Variants in GRM7 observed in about 807,000 individuals in gnomAD.
The protein encoded by GRM7 is glutamate metabotropic receptor 7, also known as metabotropic glutamate receptor 7.
In GRM7, 35 loss-of-function variants were observed where a neutral mutation model predicts 84.5. The ratio of observed to expected loss-of-function variants is 0.41; its 90% CI spans 0.32 to 0.55. The LOEUF (loss-of-function observed/expected upper bound fraction) is 0.55, where lower values mean the gene tolerates loss of function less well. Among genes scored for constraint, GRM7 ranks in the 20% least tolerant of loss-of-function variants. The probability of loss-of-function intolerance (pLI) is 0.19; values close to 1 mark genes in which losing one functional copy is unlikely to be tolerated. For missense variants in GRM7, 1,003 were observed against 1,194.6 expected (o/e 0.84, Z 2.36); for synonymous variants, 487 against 455.1 (o/e 1.07, Z -0.89).
At chr3:6,982,719 A>G (rs1042939340) in intron 1 of GRM7, among the ~76,000 whole-genome samples, 6 of 152,184 alleles carry the variant, frequency 3.9e-5, no homozygotes, top group Non-Finnish European at 7.3e-5. Context: ...TGAGACTTCC[A>G]TCATATAAAT....
intron 9 of GRM7, among the ~76,000 whole-genome samples, chr3:7,731,691 G>T (rs1702336717): frequency 2.0e-5 from 3 of 152,146 alleles, no homozygotes; most frequent in Admixed American, 2.0e-4. Context: ...TTATTCCAGA[G>T]ATTCTAAGAC....
intron 7 of GRM7, among the ~76,000 whole-genome samples, chr3:7,572,118 C>A (rs923955697): frequency 6.6e-6 from 1 of 152,154 alleles, no homozygotes; most frequent in African/African-American, 2.4e-5. Flanking sequence ...GGTGGAGAGA[C>A]AATCAGACCA....
At chr3:7,059,842 C>T (rs1014160306) in intron 1 of GRM7, among the ~76,000 whole-genome samples, 10 of 151,802 alleles carry the variant, frequency 6.6e-5, no homozygotes, top group African/African-American at 1.4e-4. Flanking sequence ...TGGTCTTCTC[C>T]AGACACAGAA....
chr3:7,005,659 G>T (rs1048965097), intron 1 of GRM7, among the ~76,000 whole-genome samples: 1 of 152,192 alleles, frequency 6.6e-6, no homozygotes, highest in Admixed American at 6.5e-5. Flanking sequence ...GCCATTGTTA[G>T]TAAGCCTCTT....
intron 8 of GRM7, among the ~76,000 whole-genome samples, chr3:7,580,351 T>C (rs897913051): frequency 6.6e-6 from 1 of 152,160 alleles, no homozygotes; most frequent in Non-Finnish European, 1.5e-5. Context: ...TGATTAGATG[T>C]GAGGACATTG....
At chr3:7,470,543 A>C (rs1262025556) in intron 7 of GRM7, among the ~76,000 whole-genome samples, 1 of 152,178 alleles carries the variant, frequency 6.6e-6, no homozygotes, top group Admixed American at 6.5e-5. Context: ...TAATATTTAT[A>C]ATTATCAATA....
At chr3:7,728,626 C>A (rs1230294834) in intron 9 of GRM7, among the ~76,000 whole-genome samples, 1 of 152,136 alleles carries the variant, frequency 6.6e-6, no homozygotes, top group Non-Finnish European at 1.5e-5. Context: ...TGACTTACCC[C>A]AGGTTTCAGG....
chr3:7,137,057 A>G (rs896873123), intron 1 of GRM7, among the ~76,000 whole-genome samples: 2 of 152,106 alleles, frequency 1.3e-5, no homozygotes, highest in African/African-American at 2.4e-5. Context: ...TGTTTATTGG[A>G]TATAACTTAA....
At chr3:7,314,069 T>C (rs548423955) in intron 4 of GRM7, among the ~76,000 whole-genome samples, 58 of 152,154 alleles carry the variant, frequency 3.8e-4, no homozygotes, top group Non-Finnish European at 7.9e-4. Flanking sequence ...TCTAGGAAAT[T>C]AGACATCAAT....
At chr3:7,572,823 A>AATAT (rs1158871205) in intron 7 of GRM7, among the ~76,000 whole-genome samples, 81 of 12,326 alleles carry the variant, frequency 6.6e-3, no homozygotes, top group Non-Finnish European at 8.0e-3. Context: ...CTCTATCTCA[A>AATAT]ATATATATAT....
At chr3:7,354,179 C>T (rs1693284881) in intron 4 of GRM7, among the ~76,000 whole-genome samples, 2 of 152,090 alleles carry the variant, frequency 1.3e-5, no homozygotes, top group Non-Finnish European at 1.5e-5. Context: ...GAAACCTTGC[C>T]TTTTACCAGG....
At chr3:6,959,321 T>C (rs867564382) in intron 1 of GRM7, among the ~76,000 whole-genome samples, 3 of 152,206 alleles carry the variant, frequency 2.0e-5, no homozygotes, top group East Asian at 1.9e-4. Flanking sequence ...TTTTTACCTA[T>C]GTAAAAATAA....
chr3:7,002,776 T>C (rs546889674), intron 1 of GRM7, among the ~76,000 whole-genome samples: 3 of 152,216 alleles, frequency 2.0e-5, no homozygotes, highest in Admixed American at 2.0e-4. Flanking sequence ...TGCTGAAGAG[T>C]TGTCTCCACT....
chr3:6,992,938 T>C (rs75285180), intron 1 of GRM7, among the ~76,000 whole-genome samples: 3,357 of 152,300 alleles, frequency 0.022, 124 homozygotes, highest in African/African-American at 0.076. Flanking sequence ...GAGAGAGACC[T>C]GAGGATAAGC....
intron 6 of GRM7, among the ~76,000 whole-genome samples, chr3:7,458,615 A>T (rs1294418299): frequency 6.6e-6 from 1 of 152,146 alleles, no homozygotes; most frequent in Admixed American, 6.5e-5. Context: ...GGGCGTGACA[A>T]GACCGTTTCT....
At chr3:7,086,410 C>G (rs1698460592) in intron 1 of GRM7, among the ~76,000 whole-genome samples, 1 of 152,018 alleles carries the variant, frequency 6.6e-6, no homozygotes, top group Non-Finnish European at 1.5e-5. Context: ...AACCACAGGT[C>G]AGTCAAGCTT....
At chr3:7,292,726 T>A (rs11708127) in intron 2 of GRM7, among the ~76,000 whole-genome samples, 10,092 of 140,780 alleles carry the variant, frequency 0.072, 365 homozygotes, top group Admixed American at 0.12. Flanking sequence ...CTTTTTTTTT[T>A]AAAAAAAAAA....
At chr3:7,651,990 G>C (rs746539430) in intron 8 of GRM7, among the ~76,000 whole-genome samples, 3 of 152,152 alleles carry the variant, frequency 2.0e-5, no homozygotes, top group Non-Finnish European at 4.4e-5. Flanking sequence ...CTTTGGAATT[G>C]AACAAGTTCT....
At chr3:7,217,262 G>T (rs1429553858) in intron 2 of GRM7, among the ~76,000 whole-genome samples, 1 of 152,118 alleles carries the variant, frequency 6.6e-6, no homozygotes, top group East Asian at 1.9e-4. Context: ...TTATAGTTTT[G>T]CCCCAAGTGG....
Sources: gnomAD v4.1 joint callset for allele counts (sites outside exome capture counted in the v4.1 genomes callset) on GRCh38, gnomAD v4.1.1 for gene constraint, MANE v1.5 for transcripts, NCBI Gene and HGNC (gene_info 2026-07-23, HGNC 2026-07-21) for gene names.